The following CARD14 variants were observed in gnomAD, a reference collection of about 807,000 sequenced individuals.
CARD14 encodes caspase recruitment domain-containing protein 14.
Under a neutral mutation model 111.5 loss-of-function variants are expected in CARD14, and 107 were observed. That is an observed-to-expected ratio of 0.96 (90% confidence interval 0.82 to 1.13). CARD14 has a LOEUF of 1.13. CARD14 is among the 50% of genes most tolerant of loss of function. The pLI is 0.00. For synonymous variants in CARD14, 617 were observed against 579.6 expected, an observed-to-expected ratio of 1.06 and a Z score of -0.93; for missense variants, 1,322 against 1,362.3, an observed-to-expected ratio of 0.97 and a Z score of 0.47.
At chr17:80,207,690 A>C (rs533284030) in intron 23 of CARD14, 1 of 165,680 alleles carries the variant, frequency 6.0e-6, no homozygotes, top group African/African-American at 2.4e-5. Flanking sequence ...TAGTCACTGG[A>C]AAATGACATT....
In CARD14 at chr17:80,173,217, G is replaced by A. The variant is rs2039945048; in HGVS notation, c.-378G>A. Reference sequence around the variant, plus strand: ...TACAATCTACCACCATGAACAGCAAGCATTAGCATTGGTGAGGAGTGTTCC... The same window carrying A: ...TACAATCTACCACCATGAACAGCAAACATTAGCATTGGTGAGGAGTGTTCC... On this transcript the variant is annotated 5_prime_UTR_variant, in exon 2 of 24. Coordinates refer to ENST00000648509, the MANE Select transcript of CARD14 (RefSeq NM_001366385.1). 6.5e-6 allele frequency: 1 copy of A among 153,520 alleles called. No homozygotes were observed. The highest frequency in any genetic ancestry group is 2.4e-5 in the African/African-American group (1 of 41,340). 9.5% of individuals were successfully genotyped at this position (153,520 alleles called of 1,614,324 possible).
intron 7 of CARD14, among the ~76,000 whole-genome samples, chr17:80,186,160 G>T (rs2040336551): frequency 6.6e-6 from 1 of 152,210 alleles, no homozygotes; most frequent in Admixed American, 6.5e-5. Flanking sequence ...TGACGACCGT[G>T]CCAGTGCTCC....
In CARD14 at chr17:80,195,074, C is replaced by T; in HGVS notation, c.1357-117C>T. ...CCCCATGTGTGTCCTTCTTTCCCCTCCTGCCTCCTCTCCAGTCAGTTCTCA... is the reference window on the plus strand; with the variant it reads ...CCCCATGTGTGTCCTTCTTTCCCCTTCTGCCTCCTCTCCAGTCAGTTCTCA... On this transcript the variant is annotated intron_variant, in intron 12 of 23. Coordinates refer to ENST00000648509, the MANE Select transcript of CARD14 (RefSeq NM_001366385.1). This position sits in a 1 kb window ranked among gnomAD's most constrained non-coding sequence, Gnocchi z 4.7. 5.9e-6 allele frequency: 8 copies of T among 1,348,176 alleles called. No homozygotes were observed. Among genetic ancestry groups the T allele is most frequent in the Non-Finnish European group, 7.0e-6 (7 of 997,768 alleles). 83.5% of individuals were successfully genotyped at this position (1,348,176 alleles called of 1,614,324 possible).
Position 80,203,406 on chromosome 17 carries a change from A to G in CARD14, c.2220-416A>G, listed in dbSNP as rs2041097840. ...CACCCCCATCACTCATTGCAAACTCAAGTCCCCTGGGGATCGGAGCCAGCA... is the reference window on the plus strand; with the variant it reads ...CACCCCCATCACTCATTGCAAACTCGAGTCCCCTGGGGATCGGAGCCAGCA... On this transcript the variant is annotated intron_variant, in intron 18 of 23. Coordinates refer to ENST00000648509, the MANE Select transcript of CARD14 (RefSeq NM_001366385.1). This position sits in a 1 kb window ranked among gnomAD's most constrained non-coding sequence, Gnocchi z 4.6. 1 of 181,160 alleles carries G rather than the reference A, an allele frequency of 5.5e-6. No individual in the cohort carries two copies. The allele number at this position is 181,160 out of a possible 1,614,324, so 11.2% of individuals were successfully genotyped here. A position where few individuals can be genotyped will look rare whatever the true frequency, so the allele number is the denominator to read the frequency against.
At chr17:80,202,835 C>A in intron 18 of CARD14, 1 of 208,308 alleles carries the variant, frequency 4.8e-6, no homozygotes, top group Non-Finnish European at 9.8e-6. Flanking sequence ...TGCCAAGGGT[C>A]CCCTGGTTCT....
intron 12 of CARD14, among the ~76,000 whole-genome samples, chr17:80,194,269 G>C (rs1302557882): frequency 6.6e-6 from 1 of 152,128 alleles, no homozygotes; most frequent in Admixed American, 6.5e-5. Context: ...CCACCTCACT[G>C]GTCCACGGGT....
chr17:80,202,607 T>C (rs1567898900), intron 18 of CARD14, 187 bp downstream of exon 18: 1 of 1,427,136 alleles, frequency 7.0e-7, no homozygotes, highest in Non-Finnish European at 9.1e-7. Context: ...CTTTATATAT[T>C]GCAAATGAAA....
At chr17:80,172,433 G>C (rs944662670) in intron 1 of CARD14, among the ~76,000 whole-genome samples, 1 of 152,192 alleles carries the variant, frequency 6.6e-6, no homozygotes, top group Admixed American at 6.5e-5. Flanking sequence ...ATGCATCCTA[G>C]ACCAGCCAAG....
In CARD14 at chr17:80,205,645, TG is replaced by T; in HGVS notation, c.2686del (p.Glu896LysfsTer126). 6.5e-7 allele frequency: 1 copy of T among 1,543,698 alleles called. No homozygotes were observed. The highest frequency in any genetic ancestry group is 1.4e-5 in the African/African-American group (1 of 72,488). On this transcript the variant is annotated frameshift_variant, in exon 22 of 24. Transcript: ENST00000648509. LOFTEE classifies it high-confidence loss of function. Reference protein sequence around the residue: ...WVTRHAVESLMEKNTHALLDV... With the variant: ...WVTRHAVESLXEKNTHALLDV... ...ACCCGCCATGCTGTGGAGTCCCTCATGGAAAAGGTGAGGTCAAGGGCGGGGT... is the reference window on the plus strand; with the variant it reads ...ACCCGCCATGCTGTGGAGTCCCTCATGAAAAGGTGAGGTCAAGGGCGGGGT...
At chr17:80,202,042 C>T in intron 17 of CARD14, 138 bp from the exon 18 acceptor site, 2 of 1,203,714 alleles carry the variant, frequency 1.7e-6, no homozygotes, top group South Asian at 1.4e-5. Flanking sequence ...TGGAAACCTC[C>T]CACCCACTGA....
Position 80,198,203 on chromosome 17 carries a change from C to T in CARD14, c.1658+41C>T, listed in dbSNP as rs2040788475. On this transcript the variant is annotated intron_variant, in intron 15 of 23. Coordinates refer to ENST00000648509, the MANE Select transcript of CARD14 (RefSeq NM_001366385.1). The surrounding 1 kb of genome is among the most constrained non-coding windows in gnomAD (Gnocchi z 7.5). ...GAATCCTCCGAGGCTGGCTGGGGAA[C>T]CAGGGCCAGGGAGTGGCAGAGCAGA... 3 of 1,607,754 alleles carry T rather than the reference C, an allele frequency of 1.9e-6. No individual in the cohort carries two copies. Among genetic ancestry groups the T allele is most frequent in the South Asian group, 1.1e-5 (1 of 90,888 alleles).
chr17:80,193,254 GATTCA>G, intron 12 of CARD14, among the ~76,000 whole-genome samples: 2 of 133,834 alleles, frequency 1.5e-5, no homozygotes, highest in African/African-American at 5.6e-5. Context: ...GTTTCCAGGG[GATTCA>G]ACCTGGCACA....
intron 1 of CARD14, chr17:80,170,337 T>C: frequency 6.6e-6 from 1 of 152,196 alleles, no homozygotes; most frequent in East Asian, 1.9e-4. Context: ...AAGGGATCTC[T>C]GTTTTATACT....
intron 2 of CARD14, among the ~76,000 whole-genome samples, chr17:80,173,886 C>T (rs182914439): frequency 4.6e-5 from 7 of 152,068 alleles, no homozygotes; most frequent in South Asian, 4.2e-4. Context: ...CGTGAACCAT[C>T]GCGCCCAGCC....
In CARD14 at chr17:80,205,529, A is replaced by G. The variant is rs2041251872; in HGVS notation, c.2570-2A>G. ...GATGGCCCCGTCCAATGTCACCTGT[A>G]GAGTACTTGAGCCAGGAGGAGTATG... is the stretch of plus-strand genomic sequence containing the variant. On this transcript the variant is annotated splice_acceptor_variant, in intron 21 of 23. Coordinates refer to ENST00000648509, the MANE Select transcript of CARD14 (RefSeq NM_001366385.1). LOFTEE classifies it high-confidence loss of function. The G allele has an allele frequency of 1.3e-6, 2 of 1,584,792 alleles. No homozygotes were observed. The highest frequency in any genetic ancestry group is 1.7e-6 in the Non-Finnish European group (2 of 1,164,820).
chr17:80,184,518 C>A (rs35335406), intron 7 of CARD14, among the ~76,000 whole-genome samples: 2 of 152,194 alleles, frequency 1.3e-5, no homozygotes, highest in African/African-American at 4.8e-5. Context: ...ATCCTGCTGA[C>A]GCCTGGGCAG....
chr17:80,206,443 C>T (rs1245507989), intron 22 of CARD14, among the ~76,000 whole-genome samples: 1 of 152,108 alleles, frequency 6.6e-6, no homozygotes, highest in Non-Finnish European at 1.5e-5. Flanking sequence ...GTGAGACACC[C>T]GTCTCTACAA....
intron 16 of CARD14, chr17:80,200,749 G>C (rs935142339): frequency 1.3e-5 from 2 of 157,146 alleles, no homozygotes; most frequent in African/African-American, 4.8e-5. Context: ...CCATAATTCA[G>C]AATCAGTGGG....
chr17:80,183,424 C>CT (rs1262715080), intron 6 of CARD14, among the ~76,000 whole-genome samples: 3 of 152,182 alleles, frequency 2.0e-5, no homozygotes, highest in Non-Finnish European at 4.4e-5. Context: ...GATTCGTATT[C>CT]TTTTTTTATC....
Sources: allele counts gnomAD v4.1 joint callset (sites outside exome capture counted in the v4.1 genomes callset), GRCh38; gene constraint gnomAD v4.1.1; non-coding constraint Gnocchi (gnomAD v3.1); transcripts MANE v1.5; gene names NCBI Gene and HGNC (gene_info 2026-07-23, HGNC 2026-07-21).